Variants in SUPT3H observed in about 807,000 individuals in gnomAD.
SUPT3H encodes SPT3 homolog, SAGA and STAGA complex component.
A neutral mutation model predicts 44.3 loss-of-function variants in SUPT3H; 44 were observed. The observed-to-expected ratio is 0.99, with a 90% CI of 0.78 to 1.28. The LOEUF (loss-of-function observed/expected upper bound fraction) is 1.28. Among genes scored for constraint, SUPT3H ranks in the 50% most tolerant of loss-of-function variants. The pLI is 0.00. For missense variants in SUPT3H, 380 were observed against 387.1 expected, an observed-to-expected ratio of 0.98 and a Z score of 0.15; for synonymous variants, 124 against 125.6, an observed-to-expected ratio of 0.99 and a Z score of 0.09.
At chr6:44,866,174 G>T (rs1332926528) in intron 10 of SUPT3H, among the ~76,000 whole-genome samples, 1 of 149,300 alleles carries the variant, frequency 6.7e-6, no homozygotes, top group Non-Finnish European at 1.5e-5. Flanking sequence ...CAAACTGGGG[G>T]CTTGAAAAGA....
chr6:44,824,532 G>C (rs555050812), downstream of SUPT3H, among the ~76,000 whole-genome samples: 1 of 152,206 alleles, frequency 6.6e-6, no homozygotes, highest in East Asian at 1.9e-4. Context: ...ACCACAGGCT[G>C]GTGCAGTTAT....
chr6:45,364,941 T>G (rs1031965101), intron 2 of SUPT3H, among the ~76,000 whole-genome samples: 4 of 152,148 alleles, frequency 2.6e-5, no homozygotes, highest in Non-Finnish European at 5.9e-5. Flanking sequence ...ATTAGAGCAA[T>G]TGTGTCCACC....
chr6:45,224,809 A>G (rs1766656287), intron 2 of SUPT3H, among the ~76,000 whole-genome samples: 2 of 151,728 alleles, frequency 1.3e-5, no homozygotes, highest in South Asian at 4.2e-4. Context: ...GATAGAAAGA[A>G]AAAAACTACA....
chr6:45,024,686 A>G (rs1212035548), intron 3 of SUPT3H, among the ~76,000 whole-genome samples: 1 of 152,164 alleles, frequency 6.6e-6, no homozygotes, highest in Non-Finnish European at 1.5e-5. Flanking sequence ...CGGGGTACAT[A>G]GACATTTGGT....
intron 2 of SUPT3H, among the ~76,000 whole-genome samples, chr6:45,235,070 G>A (rs558210827): frequency 1.4e-4 from 21 of 152,156 alleles, no homozygotes; most frequent in African/African-American, 4.3e-4. Flanking sequence ...AGAATGGAAA[G>A]AAATTAAAAT....
At chr6:44,928,015 C>G (rs1210818267) in intron 10 of SUPT3H, among the ~76,000 whole-genome samples, 1 of 152,110 alleles carries the variant, frequency 6.6e-6, no homozygotes, top group Non-Finnish European at 1.5e-5. Context: ...TTAGTTCTTA[C>G]AGTACTTCTT....
chr6:45,220,030 G>A (rs1253265048), intron 2 of SUPT3H, among the ~76,000 whole-genome samples: 1 of 96,670 alleles, frequency 1.0e-5, no homozygotes, highest in African/African-American at 4.2e-5. Flanking sequence ...CCGAGAGAGA[G>A]ACTCTGTCTC....
At chr6:45,175,402 A>C (rs1426399510) in intron 2 of SUPT3H, among the ~76,000 whole-genome samples, 3 of 152,170 alleles carry the variant, frequency 2.0e-5, no homozygotes, top group Non-Finnish European at 2.9e-5. Context: ...GACAGAAGGA[A>C]GAAGTGCTGA....
intron 2 of SUPT3H, among the ~76,000 whole-genome samples, chr6:45,281,231 T>C (rs1777995248): frequency 6.6e-6 from 1 of 152,170 alleles, no homozygotes; most frequent in Admixed American, 6.5e-5. Context: ...CTGTGGACTG[T>C]CAGACAGTGG....
intron 2 of SUPT3H, among the ~76,000 whole-genome samples, chr6:45,122,675 T>C (rs1801841679): frequency 6.6e-6 from 1 of 152,130 alleles, no homozygotes; most frequent in South Asian, 2.1e-4. Flanking sequence ...TTCCATGACA[T>C]TTTGTTTCTA....
intron 9 of SUPT3H, among the ~76,000 whole-genome samples, chr6:44,948,307 T>TAC (rs1430977495): frequency 4.6e-5 from 7 of 152,144 alleles, no homozygotes; most frequent in Non-Finnish European, 1.0e-4. Context: ...ACCTAGGCAA[T>TAC]ACCATTCAGG....
chr6:45,016,903 C>A (rs557376693), intron 4 of SUPT3H, among the ~76,000 whole-genome samples: 1 of 151,552 alleles, frequency 6.6e-6, no homozygotes, highest in Admixed American at 6.6e-5. Context: ...GTTCTAGATC[C>A]CTGAGGAATC....
intron 5 of SUPT3H, among the ~76,000 whole-genome samples, chr6:45,005,020 T>C (rs1303492354): frequency 6.6e-6 from 1 of 152,156 alleles, no homozygotes; most frequent in Non-Finnish European, 1.5e-5. Context: ...GCATTCTGTA[T>C]GGTTGGCTTA....
chr6:45,302,520 T>TAA (rs1782300487), intron 2 of SUPT3H, among the ~76,000 whole-genome samples: 1 of 14,642 alleles, frequency 6.8e-5, no homozygotes, highest in Non-Finnish European at 1.1e-4. Flanking sequence ...CAGGAATATA[T>TAA]ATATATATAT....
At chr6:45,005,769 T>G (rs1043039812) in intron 5 of SUPT3H, among the ~76,000 whole-genome samples, 1 of 152,156 alleles carries the variant, frequency 6.6e-6, no homozygotes, top group Non-Finnish European at 1.5e-5. Flanking sequence ...TAACTTTTGT[T>G]TGAGATGACT....
chr6:45,282,141 A>G (rs1267027913), intron 2 of SUPT3H, among the ~76,000 whole-genome samples: 1 of 152,164 alleles, frequency 6.6e-6, no homozygotes, highest in Non-Finnish European at 1.5e-5. Flanking sequence ...ATGGGGAAAA[A>G]ACAGAGCAGA....
intron 2 of SUPT3H, among the ~76,000 whole-genome samples, chr6:45,181,884 T>C (rs986115039): frequency 6.6e-6 from 1 of 150,696 alleles, no homozygotes; most frequent in Non-Finnish European, 1.5e-5. Flanking sequence ...AATAAATAAA[T>C]AAATAAATAA....
intron 10 of SUPT3H, among the ~76,000 whole-genome samples, chr6:44,863,070 C>T (rs1490688948): frequency 6.6e-6 from 1 of 152,124 alleles, no homozygotes; most frequent in African/African-American, 2.4e-5. Flanking sequence ...CCTCAAAGAA[C>T]AAACCTAAAA....
At chr6:44,904,426 C>G (rs1222240019) in intron 10 of SUPT3H, among the ~76,000 whole-genome samples, 2 of 152,182 alleles carry the variant, frequency 1.3e-5, no homozygotes, top group East Asian at 3.9e-4. Context: ...ACAATTGCTT[C>G]AAAGAGAATA....
Sources: allele counts gnomAD v4.1 joint callset (sites outside exome capture counted in the v4.1 genomes callset), GRCh38; gene constraint gnomAD v4.1.1; transcripts MANE v1.5; gene names NCBI Gene and HGNC (gene_info 2026-07-23, HGNC 2026-07-21).